The following PDGFRL variants were observed in gnomAD, a reference collection of about 807,000 sequenced individuals.
PDGFRL encodes the protein platelet derived growth factor receptor like, also known as platelet-derived growth factor receptor-like protein.
Under a neutral mutation model 37.2 loss-of-function variants are expected in PDGFRL, and 46 were observed. That is an observed-to-expected ratio of 1.24 (90% CI 0.98 to 1.58). PDGFRL has a LOEUF of 1.58. Among genes scored for constraint, PDGFRL ranks in the 40% most tolerant of loss-of-function variants. PDGFRL has a pLI of 0.00. For synonymous variants in PDGFRL, 251 were observed against 184.3 expected, an observed-to-expected ratio of 1.36 and a Z score of -2.93; for missense variants, 692 against 467.6, an observed-to-expected ratio of 1.48 and a Z score of -4.43.
In PDGFRL at chr8:17,608,011, T is replaced by C. The variant is rs542716573; in HGVS notation, c.354-13040T>C. On this transcript the variant is annotated intron_variant, in intron 2 of 5. Transcript: ENST00000251630. ...GGCTGCAGGTGGGCAGCTGCTAAGTTGCTGCCCTGGGGAGTCCGCCCAGAA... is the reference window on the plus strand; with the variant it reads ...GGCTGCAGGTGGGCAGCTGCTAAGTCGCTGCCCTGGGGAGTCCGCCCAGAA... 2.0e-5 allele frequency among the ~76,000 whole-genome samples: 3 copies of C among 152,344 alleles called. No homozygotes were observed. In the East Asian group the frequency reaches 5.8e-4, roughly 29 times the overall value.
At chr8:17,603,303 TA>T (rs1271280599) in intron 2 of PDGFRL, among the ~76,000 whole-genome samples, 1 of 152,166 alleles carries the variant, frequency 6.6e-6, no homozygotes, top group Non-Finnish European at 1.5e-5. Flanking sequence ...ACACATTTTT[TA>T]AAAAGGGAGC....
intron 5 of PDGFRL, among the ~76,000 whole-genome samples, chr8:17,639,761 C>T (rs10107964): frequency 0.8 from 122,311 of 152,142 alleles, 50,529 homozygotes; most frequent in Non-Finnish European, 0.91. Flanking sequence ...GCCTAGGTGA[C>T]GATCTTTTTG....
At chr8:17,618,132 C>T (rs1429299449) in intron 2 of PDGFRL, among the ~76,000 whole-genome samples, 1 of 152,088 alleles carries the variant, frequency 6.6e-6, no homozygotes, top group African/African-American at 2.4e-5. Context: ...AATCATAGCT[C>T]ATTGCAGCCT....
intron 2 of PDGFRL, among the ~76,000 whole-genome samples, chr8:17,613,540 C>T (rs1013963299): frequency 1.3e-5 from 2 of 152,074 alleles, no homozygotes; most frequent in African/African-American, 4.8e-5. Context: ...TGTGCAGTCT[C>T]CCGTGAAGTA....
chr8:17,610,650 C>T (rs532894417), intron 2 of PDGFRL, among the ~76,000 whole-genome samples: 2 of 152,278 alleles, frequency 1.3e-5, no homozygotes, highest in African/African-American at 2.4e-5. Context: ...GTGGCTCACA[C>T]CTGTAATCCG....
At chr8:17,577,396 G>C (rs2150804304) in intron 1 of PDGFRL, 89 bp downstream of exon 1, 2 of 1,162,234 alleles carry the variant, frequency 1.7e-6, no homozygotes. Flanking sequence ...CCAGCTCTTG[G>C]TCTAACGTTC....
chr8:17,580,767 A>G (rs1411551029), intron 1 of PDGFRL, among the ~76,000 whole-genome samples: 2 of 152,138 alleles, frequency 1.3e-5, no homozygotes, highest in African/African-American at 4.8e-5. Context: ...TTGTAGTCCA[A>G]AGTCAGTGTC....
intron 1 of PDGFRL, among the ~76,000 whole-genome samples, chr8:17,585,430 AAAGG>A (rs1803795303): frequency 6.6e-6 from 1 of 152,106 alleles, no homozygotes; most frequent in Non-Finnish European, 1.5e-5. Flanking sequence ...AGGAAGAGAG[AAAGG>A]AAGGGCTTGC....
At chr8:17,620,787 C>G (rs117385345) in intron 2 of PDGFRL, among the ~76,000 whole-genome samples, 298 of 152,094 alleles carry the variant, frequency 2.0e-3, no homozygotes, top group Middle Eastern at 3.4e-3. Flanking sequence ...TCATGTTGCT[C>G]AAATTGTTTT....
intron 1 of PDGFRL, among the ~76,000 whole-genome samples, chr8:17,579,555 TG>T (rs386419916): frequency 4.2e-5 from 3 of 71,832 alleles, no homozygotes; most frequent in African/African-American, 1.8e-4. Flanking sequence ...TTATTATTAT[TG>T]TTATTATTAT....
intron 3 of PDGFRL, among the ~76,000 whole-genome samples, chr8:17,622,701 G>C (rs568885218): frequency 6.6e-6 from 1 of 152,136 alleles, no homozygotes; most frequent in South Asian, 2.1e-4. Context: ...TTTATTATGC[G>C]AAAAGGAAAG....
Position 17,584,273 on chromosome 8 carries a change from T to C in PDGFRL, c.56-5195T>C, listed in dbSNP as rs193229528. ...GGAAGGAGCATGTCTGAAGGGGCATTCAGAGGTCAGACATGCTAAATTTGA... is the reference window on the plus strand; with the variant it reads ...GGAAGGAGCATGTCTGAAGGGGCATCCAGAGGTCAGACATGCTAAATTTGA... On this transcript the variant is annotated intron_variant, in intron 1 of 5. Coordinates refer to ENST00000251630, the MANE Select transcript of PDGFRL (RefSeq NM_001372073.1). 1.8e-3 allele frequency among the ~76,000 whole-genome samples: 280 copies of C among 152,262 alleles called. 1 individual carries two copies. The Middle Eastern group carries it at 0.02, about 11-fold the overall frequency.
At position 17,643,010 on chromosome 8, in the gene PDGFRL, G is replaced by C. The variant is rs1227652474; in HGVS notation, c.*209G>C. 1 of 492,196 alleles carries C rather than the reference G, an allele frequency of 2.0e-6. No individual in the cohort carries two copies. The highest frequency in any genetic ancestry group is 3.5e-6 in the Non-Finnish European group (1 of 282,860). 30.5% of individuals were successfully genotyped at this position (492,196 alleles called of 1,614,324 possible). A position where few individuals can be genotyped will look rare whatever the true frequency, so the allele number is the denominator to read the frequency against. On this transcript the variant is annotated 3_prime_UTR_variant, in exon 6 of 6. Transcript: ENST00000251630. Reference sequence around the variant, plus strand: ...TGTTAACTTTTCTAACAGAAAGCATGATTTTGATTGCTTACCTACATACGT... The same window carrying C: ...TGTTAACTTTTCTAACAGAAAGCATCATTTTGATTGCTTACCTACATACGT...
upstream of PDGFRL, chr8:17,577,109 T>G: frequency 9.6e-7 from 1 of 1,038,512 alleles, no homozygotes. Flanking sequence ...CCCCAACTTT[T>G]TCCCCCAAAC....
intron 3 of PDGFRL, among the ~76,000 whole-genome samples, chr8:17,626,850 TA>T (rs1485761965): frequency 2.0e-5 from 3 of 151,940 alleles, no homozygotes; most frequent in Non-Finnish European, 4.4e-5. Flanking sequence ...CCCATTTCAG[TA>T]AGATAAAAAT....
intron 4 of PDGFRL, among the ~76,000 whole-genome samples, chr8:17,632,032 T>C (rs938066349): frequency 1.3e-5 from 2 of 152,182 alleles, no homozygotes; most frequent in Non-Finnish European, 2.9e-5. Context: ...TCCTCCATCC[T>C]CCGCGTGCCA....
rs1803863927 is a variant in PDGFRL, at chr8:17,588,468, G to A, written c.56-1000G>A. 2.0e-5 allele frequency among the ~76,000 whole-genome samples: 3 copies of A among 151,486 alleles called. No individual in the cohort carries two copies. The Admixed American group carries it at 2.0e-4, about 10-fold the overall frequency. On this transcript the variant is annotated intron_variant, in intron 1 of 5. Coordinates refer to ENST00000251630, the MANE Select transcript of PDGFRL (RefSeq NM_001372073.1). ...TACGTGGGAGGGTTGCTTGAGGCCAGGAGTTTGAGACCAGCTTGGGCAACA... is the reference window on the plus strand; with the variant it reads ...TACGTGGGAGGGTTGCTTGAGGCCAAGAGTTTGAGACCAGCTTGGGCAACA...
Position 17,612,942 on chromosome 8 carries a change from C to T in PDGFRL, c.354-8109C>T, listed in dbSNP as rs369571862. On this transcript the variant is annotated intron_variant, in intron 2 of 5. Coordinates refer to ENST00000251630, the MANE Select transcript of PDGFRL (RefSeq NM_001372073.1). ...TATCTCTTTTATGATTAACTTTTCCCGTAATCTATTGTGAATATTTTTATG... is the reference window on the plus strand; with the variant it reads ...TATCTCTTTTATGATTAACTTTTCCTGTAATCTATTGTGAATATTTTTATG... Among the ~76,000 whole-genome samples the T allele has an allele frequency of 7.6e-4, 116 of 152,114 alleles. 2 individuals carry two copies. The highest frequency in any genetic ancestry group is 2.5e-4 in the Non-Finnish European group (17 of 68,012).
chr8:17,612,210 A>G (rs1804431475), intron 2 of PDGFRL, among the ~76,000 whole-genome samples: 1 of 152,246 alleles, frequency 6.6e-6, no homozygotes, highest in Non-Finnish European at 1.5e-5. Flanking sequence ...AACACTTTGT[A>G]AAACTAACCT....
Sources: allele counts gnomAD v4.1 joint callset (sites outside exome capture counted in the v4.1 genomes callset), GRCh38; gene constraint gnomAD v4.1.1; transcripts MANE v1.5; gene names NCBI Gene and HGNC (gene_info 2026-07-23, HGNC 2026-07-21).